SLC18A2: variants seen among roughly 807,000 people sequenced by gnomAD.
The protein encoded by SLC18A2 is synaptic vesicular amine transporter.
Under a neutral mutation model 59.2 loss-of-function variants are expected in SLC18A2, and 33 were observed. The ratio of observed to expected loss-of-function variants is 0.56; its 90% CI spans 0.42 to 0.75. SLC18A2 has a LOEUF of 0.75. SLC18A2 is among the 30% of genes least tolerant of loss of function. The pLI is 0.00. For missense variants in SLC18A2, 569 were observed against 668.6 expected (o/e 0.85, Z 1.64); for synonymous variants, 228 against 253.5 (o/e 0.90, Z 0.95).
intron 3 of SLC18A2, among the ~76,000 whole-genome samples, chr10:117,252,335 G>A (rs1476644884): frequency 1.3e-5 from 2 of 151,868 alleles, no homozygotes; most frequent in Non-Finnish European, 2.9e-5. Context: ...CCAGGCTGTT[G>A]CCAGAGCTCA....
intron 2 of SLC18A2, among the ~76,000 whole-genome samples, chr10:117,242,965 C>T (rs996853787): frequency 2.0e-5 from 3 of 152,182 alleles, no homozygotes; most frequent in African/African-American, 7.2e-5. Flanking sequence ...CTCCTGACCT[C>T]AGGTGATCTA....
At position 117,255,420 on chromosome 10, in the gene SLC18A2, C is replaced by T. The variant is rs363420; in HGVS notation, c.790+54C>T. On this transcript the variant is annotated intron_variant, in intron 7 of 15. Transcript: ENST00000644641. The stretch of plus-strand genomic sequence containing the variant: ...ATGACCTTGGCATCGTGCTGGCACG[C>T]GCTTGGGCCACACCTGCTTTCTGAA... 1,265,498 of 1,613,372 alleles carry T rather than the reference C, an allele frequency of 0.78. 502,367 individuals are homozygous for T. Among genetic ancestry groups the T allele is most frequent in the Middle Eastern group, 0.82 (4,987 of 6,060 alleles).
intron 3 of SLC18A2, among the ~76,000 whole-genome samples, chr10:117,249,030 G>A (rs965953037): frequency 1.3e-5 from 2 of 152,198 alleles, no homozygotes; most frequent in Non-Finnish European, 2.9e-5. Context: ...AAGCCACAGG[G>A]CATGAAATCT....
intron 15 of SLC18A2, among the ~76,000 whole-genome samples, chr10:117,276,755 G>A (rs150749863): frequency 7.2e-5 from 11 of 151,880 alleles, no homozygotes; most frequent in Non-Finnish European, 1.2e-4. Context: ...ATTAAGGAGA[G>A]AGCACATCCT....
chr10:117,249,584 G>A (rs1844140541), intron 3 of SLC18A2, among the ~76,000 whole-genome samples: 1 of 152,202 alleles, frequency 6.6e-6, no homozygotes, highest in Non-Finnish European at 1.5e-5. Context: ...ACCCTTCGGG[G>A]CTCTGTAGTC....
chr10:117,249,540 C>G (rs1440978702), intron 3 of SLC18A2, among the ~76,000 whole-genome samples: 1 of 152,188 alleles, frequency 6.6e-6, no homozygotes, highest in Non-Finnish European at 1.5e-5. Context: ...TGGAAGGGAG[C>G]TGTTGTCTCT....
chr10:117,273,411 C>CA (rs1844449113), intron 15 of SLC18A2, among the ~76,000 whole-genome samples: 1 of 152,136 alleles, frequency 6.6e-6, no homozygotes, highest in African/African-American at 2.4e-5. Context: ...TTTTTAAAGA[C>CA]AAGTCACGCT....
At chr10:117,244,387 C>T in intron 3 of SLC18A2, 74 bp downstream of exon 3, 2 of 1,345,134 alleles carry the variant, frequency 1.5e-6, no homozygotes, top group Non-Finnish European at 2.0e-6. Flanking sequence ...TGGAATTCTG[C>T]TTCTTACTCA....
At chr10:117,265,954 G>A (rs1488305230) in intron 10 of SLC18A2, among the ~76,000 whole-genome samples, 1 of 152,038 alleles carries the variant, frequency 6.6e-6, no homozygotes, top group African/African-American at 2.4e-5. Context: ...ACTAGGCGTG[G>A]TGGCGCATGC....
At chr10:117,253,030 G>A (rs1016844277) in intron 3 of SLC18A2, among the ~76,000 whole-genome samples, 3 of 152,132 alleles carry the variant, frequency 2.0e-5, no homozygotes, top group African/African-American at 4.8e-5. Context: ...CCTTTTACCC[G>A]AATCATTTGA....
Position 117,253,495 on chromosome 10 carries a change from A to C in SLC18A2, c.523+38A>C, listed in dbSNP as rs772046703. On this transcript the variant is annotated intron_variant, in intron 4 of 15. Transcript: ENST00000644641. Reference sequence around the variant, plus strand: ...TGTTTTCCTTCTGAGTGTGGGTCTCATCAGGGTGGGCATTGATGCCCATGA... The same window carrying C: ...TGTTTTCCTTCTGAGTGTGGGTCTCCTCAGGGTGGGCATTGATGCCCATGA... 6 of 1,425,842 alleles carry C rather than the reference A, an allele frequency of 4.2e-6. No individual in the cohort carries two copies. The East Asian group carries it at 8.4e-5, about 20-fold the overall frequency. The allele number at this position is 1,425,842 out of a possible 1,614,324, so 88.3% of individuals were successfully genotyped here. A position where few individuals can be genotyped will look rare whatever the true frequency, so the allele number is the denominator to read the frequency against.
chr10:117,268,931 AAC>A (rs943288059), intron 13 of SLC18A2, among the ~76,000 whole-genome samples: 21 of 151,868 alleles, frequency 1.4e-4, no homozygotes, highest in African/African-American at 2.2e-4. Flanking sequence ...AAGAAGCTAA[AAC>A]ACACATGCAC....
At chr10:117,254,938 G>T (rs1379297002) in intron 6 of SLC18A2, among the ~76,000 whole-genome samples, 1 of 152,214 alleles carries the variant, frequency 6.6e-6, no homozygotes, top group Non-Finnish European at 1.5e-5. Flanking sequence ...GCTTCCAGGA[G>T]CCTGCAGCCT....
At chr10:117,268,030 C>T (rs1234615460) in intron 13 of SLC18A2, 3 of 299,012 alleles carry the variant, frequency 1.0e-5, no homozygotes, top group Non-Finnish European at 1.9e-5. Context: ...GCACAGAGCT[C>T]ATTTTTGTGG....
At chr10:117,268,740 AG>A (rs1844379284) in intron 13 of SLC18A2, 2 of 152,242 alleles carry the variant, frequency 1.3e-5, no homozygotes, top group South Asian at 4.1e-4. Context: ...GGAGAATAAT[AG>A]GGGGGACCAG....
chr10:117,259,923 T>C (rs1844275431), intron 10 of SLC18A2, among the ~76,000 whole-genome samples: 1 of 152,210 alleles, frequency 6.6e-6, no homozygotes, highest in Non-Finnish European at 1.5e-5. Context: ...CCCTATTTTC[T>C]CTCCTGTTTT....
Position 117,269,908 on chromosome 10 carries a change from A to C in SLC18A2, c.1187-163A>C, listed in dbSNP as rs2133744669. On this transcript the variant is annotated intron_variant, in intron 13 of 15. Coordinates refer to ENST00000644641, the MANE Select transcript of SLC18A2 (RefSeq NM_003054.6). This position sits in a 1 kb window ranked among gnomAD's most constrained non-coding sequence, Gnocchi z 5.1. ...CTGGGGGTCAGAAAAGGCTTCCTTC[A>C]TTCTTTCTACTCAAAGATTAGTATC... Among the ~76,000 whole-genome samples, 1 of 152,308 alleles carries C rather than the reference A, an allele frequency of 6.6e-6. No individual in the cohort carries two copies. Among genetic ancestry groups the C allele is most frequent in the South Asian group, 2.1e-4 (1 of 4,828 alleles).
rs1293033867 is a variant in SLC18A2, at chr10:117,255,657, G to C, written c.895G>C (p.Gly299Arg). The C allele has an allele frequency of 1.2e-6, 2 of 1,613,068 alleles. No homozygotes were observed. Among genetic ancestry groups the C allele is most frequent in the Non-Finnish European group, 1.7e-6 (2 of 1,179,900 alleles). ...GGACCCGTACATCCTCATTGCTGCA[G>C]GTGGGGCTCTGTGGGTCTTCTGAGT... ...LKDPYILIAA[G>R]SICFANMGIA... Residue 299 changes from glycine (G) to arginine (R), a missense_variant and splice_region_variant, in exon 9 of 16, where the codon GGC (glycine) becomes CGC (arginine). Coordinates refer to ENST00000644641, the MANE Select transcript of SLC18A2 (RefSeq NM_003054.6).
At chr10:117,245,059 G>A (rs1257713918) in intron 3 of SLC18A2, among the ~76,000 whole-genome samples, 1 of 152,226 alleles carries the variant, frequency 6.6e-6, no homozygotes, top group Non-Finnish European at 1.5e-5. Flanking sequence ...CTGTAGCTGA[G>A]GTGGACCAGT....
Sources: gnomAD v4.1 joint callset for allele counts (sites outside exome capture counted in the v4.1 genomes callset) on GRCh38, gnomAD v4.1.1 for gene constraint, Gnocchi (gnomAD v3.1) non-coding constraint, MANE v1.5 for transcripts, NCBI Gene and HGNC (gene_info 2026-07-23, HGNC 2026-07-21) for gene names.